Variants in FAM120A observed in about 807,000 individuals in gnomAD.
FAM120A encodes family with sequence similarity 120 member A, also known as constitutive coactivator of PPAR-gamma-like protein 1.
A neutral mutation model predicts 109.7 loss-of-function variants in FAM120A; 15 were observed. The ratio of observed to expected loss-of-function variants is 0.14; its 90% CI spans 0.09 to 0.21. The LOEUF is 0.21. FAM120A is among the 10% of genes least tolerant of loss of function. FAM120A has a pLI of 1.00. For missense variants in FAM120A, 899 were observed against 1,439.3 expected (o/e 0.62, Z 6.07); for synonymous variants, 493 against 572.8 (o/e 0.86, Z 1.99).
chr9:93,491,481 G>A (rs1012093702), intron 3 of FAM120A, among the ~76,000 whole-genome samples: 2 of 152,180 alleles, frequency 1.3e-5, no homozygotes, highest in African/African-American at 2.4e-5. Context: ...GAAAGATGAC[G>A]CTAAAAGTGA....
chr9:93,526,552 A>G (rs1309635224), intron 7 of FAM120A, among the ~76,000 whole-genome samples: 7 of 151,856 alleles, frequency 4.6e-5, no homozygotes, highest in Non-Finnish European at 8.8e-5. Flanking sequence ...CCATCCTCCA[A>G]ATAAGTTCCC....
intron 16 of FAM120A, 74 bp from the exon 17 acceptor site, chr9:93,562,134 A>G (rs1862489940): frequency 1.2e-5 from 15 of 1,246,874 alleles, no homozygotes; most frequent in Non-Finnish European, 1.7e-5. Flanking sequence ...TGGCTTTAAA[A>G]TCATTTGATA....
intron 1 of FAM120A, among the ~76,000 whole-genome samples, chr9:93,458,601 C>G (rs1361854354): frequency 1.3e-5 from 2 of 152,128 alleles, no homozygotes; most frequent in African/African-American, 4.8e-5. Flanking sequence ...CTTTGCAAAC[C>G]CTTCAGTGGG....
At position 93,534,414 on chromosome 9, in the gene FAM120A, A is replaced by C. The variant is rs573475140; in HGVS notation, c.1909+2085A>C. Among the ~76,000 whole-genome samples, 14 of 152,254 alleles carry C rather than the reference A, an allele frequency of 9.2e-5. No homozygotes were observed. In the South Asian group the frequency reaches 2.9e-3, roughly 32 times the overall value. On this transcript the variant is annotated intron_variant, in intron 10 of 17. Transcript: ENST00000277165. ...TGGCTCCTTTTCTTCCAAAGGAAGA[A>C]AAGACAAGAAGGGTTGGGGAAGTGT...
At chr9:93,507,413 T>A (rs569253738) in intron 5 of FAM120A, among the ~76,000 whole-genome samples, 7 of 152,084 alleles carry the variant, frequency 4.6e-5, no homozygotes, top group Admixed American at 3.3e-4. Context: ...TGGAGGATGG[T>A]TTTGGATACG....
chr9:93,527,256 G>A lies in FAM120A; in HGVS notation c.1506+14G>A, dbSNP rs372086188. 3.1e-6 allele frequency: 5 copies of A among 1,607,182 alleles called. No homozygotes were observed. In the South Asian group the frequency reaches 4.4e-5, roughly 14 times the overall value. ...GACCAAACAAAGGTAGAAAGTCTAT[G>A]CCTTTTAGTTTTTGAGTTCTGACTC... On this transcript the variant is annotated intron_variant, in intron 8 of 17. Transcript: ENST00000277165.
At chr9:93,561,769 A>G (rs1862476578) in intron 16 of FAM120A, among the ~76,000 whole-genome samples, 1 of 151,996 alleles carries the variant, frequency 6.6e-6, no homozygotes, top group Non-Finnish European at 1.5e-5. Flanking sequence ...CCATTAAATA[A>G]TTAACAATTA....
intron 11 of FAM120A, among the ~76,000 whole-genome samples, chr9:93,549,331 C>G (rs1032297649): frequency 1.3e-5 from 2 of 152,168 alleles, no homozygotes; most frequent in East Asian, 1.9e-4. Flanking sequence ...CTTCAGTTTC[C>G]CCTTCTCTAA....
intron 3 of FAM120A, among the ~76,000 whole-genome samples, chr9:93,480,721 A>G (rs948560140): frequency 2.6e-5 from 4 of 152,022 alleles, no homozygotes; most frequent in African/African-American, 9.7e-5. Flanking sequence ...TATTTCTTAA[A>G]AGGGTCATAT....
chr9:93,467,249 C>G (rs79986401), intron 1 of FAM120A, among the ~76,000 whole-genome samples: 4 of 31,836 alleles, frequency 1.3e-4, no homozygotes, highest in Non-Finnish European at 1.7e-4. Flanking sequence ...TGCTGTCACC[C>G]CCCCCCCCCT....
intron 10 of FAM120A, among the ~76,000 whole-genome samples, chr9:93,538,754 A>G (rs1016028709): frequency 6.6e-6 from 1 of 152,236 alleles, no homozygotes; most frequent in African/African-American, 2.4e-5. Flanking sequence ...TGAACCATGT[A>G]TATTATTCCT....
At chr9:93,534,679 A>AT (rs1371088524) in intron 10 of FAM120A, among the ~76,000 whole-genome samples, 2 of 151,918 alleles carry the variant, frequency 1.3e-5, no homozygotes, top group Admixed American at 6.6e-5. Flanking sequence ...TTGTTATGTT[A>AT]TTTTTTTGGC....
chr9:93,454,902 T>A (rs1857484235), intron 1 of FAM120A, among the ~76,000 whole-genome samples: 1 of 152,218 alleles, frequency 6.6e-6, no homozygotes, highest in Admixed American at 6.5e-5. Context: ...TACCAAGTGC[T>A]AGCAAGAATG....
chr9:93,511,447 G>C (rs545840362), intron 5 of FAM120A, among the ~76,000 whole-genome samples: 2 of 152,202 alleles, frequency 1.3e-5, no homozygotes, highest in Non-Finnish European at 2.9e-5. Flanking sequence ...CAGCCTGACC[G>C]GCTCTGTGGG....
chr9:93,530,371 T>C (rs566222977), intron 9 of FAM120A: 17 of 152,384 alleles, frequency 1.1e-4, no homozygotes, highest in Non-Finnish European at 1.8e-4. Context: ...TCATGTATTA[T>C]TAACATGAAT....
Position 93,452,722 on chromosome 9 carries a change from G to A in FAM120A, c.474+333G>A, listed in dbSNP as rs1190974542. On this transcript the variant is annotated intron_variant, in intron 1 of 17. Coordinates refer to ENST00000277165, the MANE Select transcript of FAM120A (RefSeq NM_014612.5). The surrounding 1 kb of genome is among the most constrained non-coding windows in gnomAD (Gnocchi z 7.0). ...TAGTTTTTCCCATCCTATTTGAGGCGGGCAGGCTATCACTCACCTTCAACT... is the reference window on the plus strand; with the variant it reads ...TAGTTTTTCCCATCCTATTTGAGGCAGGCAGGCTATCACTCACCTTCAACT... 1 of 1,598,222 alleles carries A rather than the reference G, an allele frequency of 6.3e-7. No homozygotes were observed. Among genetic ancestry groups the A allele is most frequent in the Non-Finnish European group, 8.5e-7 (1 of 1,179,810 alleles).
intron 1 of FAM120A, among the ~76,000 whole-genome samples, chr9:93,459,414 TG>T (rs1412581885): frequency 2.0e-5 from 3 of 152,218 alleles, no homozygotes; most frequent in Non-Finnish European, 2.9e-5. Context: ...AGTTTTGTTT[TG>T]TTTTTTTAAT....
At chr9:93,512,688 G>T (rs1338798548) in intron 5 of FAM120A, among the ~76,000 whole-genome samples, 1 of 152,208 alleles carries the variant, frequency 6.6e-6, no homozygotes, top group Non-Finnish European at 1.5e-5. Context: ...CTGCTCAGCT[G>T]CACTTGGGCA....
At chr9:93,547,887 C>T (rs1291386240) in intron 11 of FAM120A, among the ~76,000 whole-genome samples, 4 of 152,142 alleles carry the variant, frequency 2.6e-5, no homozygotes, top group Non-Finnish European at 5.9e-5. Context: ...GTAATTCATA[C>T]TCTGTATCCA....
Sources: gnomAD v4.1 joint callset for allele counts (sites outside exome capture counted in the v4.1 genomes callset) on GRCh38, gnomAD v4.1.1 for gene constraint, Gnocchi (gnomAD v3.1) non-coding constraint, MANE v1.5 for transcripts, NCBI Gene and HGNC (gene_info 2026-07-23, HGNC 2026-07-21) for gene names.